MSH3: variants seen among roughly 807,000 people sequenced by gnomAD.
The protein encoded by MSH3 is mutS homolog 3, also known as DNA mismatch repair protein Msh3.
A neutral mutation model predicts 123.3 loss-of-function variants in MSH3; 106 were observed. The ratio of observed to expected loss-of-function variants is 0.86; its 90% CI spans 0.73 to 1.01. The LOEUF is 1.01. MSH3 is among the 50% of genes least tolerant of loss of function. The pLI is 0.00. For missense variants in MSH3, 1,459 were observed against 1,347.6 expected, an observed-to-expected ratio of 1.08 and a Z score of -1.29; for synonymous variants, 515 against 481.4, an observed-to-expected ratio of 1.07 and a Z score of -0.91.
At chr5:80,742,499 T>A (rs549648191) in intron 11 of MSH3, among the ~76,000 whole-genome samples, 1 of 152,362 alleles carries the variant, frequency 6.6e-6, no homozygotes, top group East Asian at 1.9e-4. Flanking sequence ...GATTAAGTAC[T>A]GGAGAATCAT....
intron 8 of MSH3, among the ~76,000 whole-genome samples, chr5:80,707,168 A>T (rs1750745262): frequency 6.6e-6 from 1 of 152,374 alleles, no homozygotes; most frequent in South Asian, 2.1e-4. Flanking sequence ...TTTACTCAGC[A>T]TAATGCCTAT....
At chr5:80,734,932 C>T (rs1290092486) in intron 10 of MSH3, among the ~76,000 whole-genome samples, 1 of 152,224 alleles carries the variant, frequency 6.6e-6, no homozygotes, top group East Asian at 1.9e-4. Context: ...TTTTCCCCCT[C>T]ATGTGTTTTG....
chr5:80,818,257 C>T (rs376536195), intron 20 of MSH3, among the ~76,000 whole-genome samples: 2 of 151,752 alleles, frequency 1.3e-5, no homozygotes, highest in African/African-American at 4.8e-5. Flanking sequence ...ACCTCTAGAT[C>T]TAGATACCAA....
At chr5:80,835,071 G>A (rs1745485345) in intron 20 of MSH3, among the ~76,000 whole-genome samples, 1 of 152,136 alleles carries the variant, frequency 6.6e-6, no homozygotes, top group African/African-American at 2.4e-5. Flanking sequence ...CTCAAAGATG[G>A]CAAAGAATGT....
intron 8 of MSH3, among the ~76,000 whole-genome samples, chr5:80,684,479 A>T (rs1750040773): frequency 6.6e-6 from 1 of 152,006 alleles, no homozygotes; most frequent in Admixed American, 6.6e-5. Context: ...CATATTGTTC[A>T]CTGTTAGCAT....
At chr5:80,777,294 T>C (rs1744323418) in intron 16 of MSH3, among the ~76,000 whole-genome samples, 1 of 150,286 alleles carries the variant, frequency 6.7e-6, no homozygotes, top group African/African-American at 2.4e-5. Context: ...CTTTTTTTTT[T>C]TAATGCTACC....
At chr5:80,739,053 C>T (rs1008838571) in intron 10 of MSH3, among the ~76,000 whole-genome samples, 7 of 152,126 alleles carry the variant, frequency 4.6e-5, no homozygotes, top group African/African-American at 1.7e-4. Context: ...TACAAACTGC[C>T]CATTCTGAGG....
At position 80,663,763 on chromosome 5, in the gene MSH3, T is replaced by C. The variant is rs144309880; in HGVS notation, c.359-1380T>C. 1.5e-3 allele frequency among the ~76,000 whole-genome samples: 225 copies of C among 147,660 alleles called. 1 individual carries two copies. The highest frequency in any genetic ancestry group is 5.3e-3 in the African/African-American group (210 of 39,732). On this transcript the variant is annotated intron_variant, in intron 2 of 23. Transcript: ENST00000265081. Reference sequence around the variant, plus strand: ...GCCTGTGAAGAGGTTTAAATATAAATAGGGAAAATTTTAAACTATTTTTTT... The same window carrying C: ...GCCTGTGAAGAGGTTTAAATATAAACAGGGAAAATTTTAAACTATTTTTTT...
At chr5:80,679,141 TTTA>T in intron 8 of MSH3, 48 bp downstream of exon 8, 1 of 1,582,216 alleles carries the variant, frequency 6.3e-7, no homozygotes, top group Non-Finnish European at 8.7e-7. Flanking sequence ...GAAACTTAGG[TTTA>T]GTTCCAAAAC....
intron 8 of MSH3, among the ~76,000 whole-genome samples, chr5:80,721,900 A>T (rs1751088996): frequency 6.6e-6 from 1 of 152,084 alleles, no homozygotes; most frequent in African/African-American, 2.4e-5. Context: ...AGGTATAGCC[A>T]TTTGTGTTTC....
At chr5:80,696,728 GT>G (rs1398797073) in intron 8 of MSH3, among the ~76,000 whole-genome samples, 1 of 152,104 alleles carries the variant, frequency 6.6e-6, no homozygotes, top group African/African-American at 2.4e-5. Flanking sequence ...AGAAGCAGAA[GT>G]TCTTCAATCA....
chr5:80,813,834 C>T, intron 20 of MSH3, 93 bp downstream of exon 20: 1 of 1,337,994 alleles, frequency 7.5e-7, no homozygotes, highest in Non-Finnish European at 1.1e-6. Context: ...TATTTAGATG[C>T]TCTTAAAGCA....
chr5:80,866,198 G>A (rs1746095346), intron 22 of MSH3, among the ~76,000 whole-genome samples: 1 of 152,180 alleles, frequency 6.6e-6, no homozygotes, highest in Non-Finnish European at 1.5e-5. Context: ...GAGTGCAGTG[G>A]CACGATCATA....
intron 19 of MSH3, among the ~76,000 whole-genome samples, chr5:80,794,423 T>A (rs1744663741): frequency 6.6e-6 from 1 of 152,112 alleles, no homozygotes; most frequent in Non-Finnish European, 1.5e-5. Context: ...TTTTTATAGG[T>A]CAAAGTTGAG....
Position 80,656,404 on chromosome 5 carries a change from G to T in MSH3, c.238-7G>T. On this transcript the variant is annotated splice_polypyrimidine_tract_variant and splice_region_variant and intron_variant, in intron 1 of 23. Transcript: ENST00000265081. ...TAACACATCATTTTCTAACCTTCCC[G>T]ATATAGGCTACAGAAATTGACAGAA... 1 of 1,613,952 alleles carries T rather than the reference G, an allele frequency of 6.2e-7. No individual in the cohort carries two copies. Among genetic ancestry groups the T allele is most frequent in the Non-Finnish European group, 8.5e-7 (1 of 1,179,926 alleles).
At chr5:80,872,356 A>G (rs1319529394) in intron 22 of MSH3, among the ~76,000 whole-genome samples, 1 of 152,034 alleles carries the variant, frequency 6.6e-6, no homozygotes, top group East Asian at 1.9e-4. Flanking sequence ...AGTTTCAGCT[A>G]CTCGGGAGGC....
chr5:80,697,328 G>T lies in MSH3; in HGVS notation c.1340+18235G>T, dbSNP rs6151683. ...ACAAGGTGTTGGCAGCTGGAGCCAA[G>T]TTACACCTGGTTTACTTACCTGATA... On this transcript the variant is annotated intron_variant, in intron 8 of 23. Transcript: ENST00000265081. Among the ~76,000 whole-genome samples, 1,149 of 152,298 alleles carry T rather than the reference G, an allele frequency of 7.5e-3. 16 individuals are homozygous for T. Among genetic ancestry groups the T allele is most frequent in the African/African-American group, 0.025 (1,046 of 41,538 alleles).
intron 20 of MSH3, among the ~76,000 whole-genome samples, chr5:80,822,767 C>T (rs1405310620): frequency 3.9e-5 from 6 of 152,190 alleles, no homozygotes; most frequent in Admixed American, 2.6e-4. Context: ...GGGATAATGG[C>T]AGTGCCTTTC....
chr5:80,850,473 C>G (rs1321243041), intron 20 of MSH3, among the ~76,000 whole-genome samples: 1 of 152,194 alleles, frequency 6.6e-6, no homozygotes. Flanking sequence ...ACTTACAGCT[C>G]CACATGGCTG....
Sources: allele counts gnomAD v4.1 joint callset (sites outside exome capture counted in the v4.1 genomes callset), GRCh38; gene constraint gnomAD v4.1.1; transcripts MANE v1.5; gene names NCBI Gene and HGNC (gene_info 2026-07-23, HGNC 2026-07-21).